Variants in NAV3 observed in about 807,000 individuals in gnomAD.
NAV3 encodes the protein pore membrane and/or filament interacting like protein 1.
A neutral mutation model predicts 244.7 loss-of-function variants in NAV3; 87 were observed. That is an observed-to-expected ratio of 0.36 (90% CI 0.30 to 0.42). The LOEUF is 0.42. Among genes scored for constraint, NAV3 ranks in the 20% least tolerant of loss-of-function variants. The probability of loss-of-function intolerance (pLI) is 1.00; values close to 1 mark genes in which losing one functional copy is unlikely to be tolerated. For synonymous variants in NAV3, 1,126 were observed against 1,042.2 expected, an observed-to-expected ratio of 1.08 and a Z score of -1.55; for missense variants, 2,663 against 2,893.3, an observed-to-expected ratio of 0.92 and a Z score of 1.83.
chr12:77,590,978 G>A (rs1277086286), intron 2 of NAV3, among the ~76,000 whole-genome samples: 1 of 152,184 alleles, frequency 6.6e-6, no homozygotes, highest in Non-Finnish European at 1.5e-5. Flanking sequence ...TACCTGCTGT[G>A]TAAGAATGGC....
intron 2 of NAV3, among the ~76,000 whole-genome samples, chr12:77,802,525 C>T (rs952459): frequency 0.34 from 51,738 of 152,040 alleles, 10,169 homozygotes; most frequent in East Asian, 0.47. Flanking sequence ...TAAATAGTTA[C>T]GAAAAACAGA....
intron 11 of NAV3, among the ~76,000 whole-genome samples, chr12:78,053,114 G>A (rs892830887): frequency 6.6e-6 from 1 of 151,786 alleles, no homozygotes; most frequent in African/African-American, 2.4e-5. Flanking sequence ...TTGGGAGGCT[G>A]AGGCAGGAGA....
In NAV3 at chr12:77,609,329, C is replaced by G. The variant is rs145254745; in HGVS notation, c.72+37063C>G. 1.6e-4 allele frequency among the ~76,000 whole-genome samples: 24 copies of G among 152,204 alleles called. No homozygotes were observed. In the East Asian group the frequency reaches 4.3e-3, roughly 27 times the overall value. On this transcript the variant is annotated intron_variant, in intron 2 of 8. Transcript: ENST00000550042. ...TAAATTCCCATTTAAGCTCCTACAA[C>G]TCCAGTAGTTCCAGAGCCTGGCTAC... is the stretch of plus-strand genomic sequence containing the variant.
At chr12:78,057,390 A>G (rs1000424348) in intron 11 of NAV3, among the ~76,000 whole-genome samples, 3 of 152,140 alleles carry the variant, frequency 2.0e-5, no homozygotes, top group African/African-American at 7.2e-5. Flanking sequence ...TCCTCCCTCA[A>G]TTCTCATTTA....
At chr12:77,903,962 C>T (rs1228411754) in intron 1 of NAV3, among the ~76,000 whole-genome samples, 9 of 152,018 alleles carry the variant, frequency 5.9e-5, no homozygotes, top group African/African-American at 1.4e-4. Flanking sequence ...CTCACACCAC[C>T]TAGAATGGCG....
rs145835038 is a variant in NAV3 at position 78,068,479 on chromosome 12, A to G, written c.2636+9364A>G. ...ATAATGGTATCTATTTCCATTGCAG[A>G]TTGTCAATAGATCTTAAAACACAGG... is the stretch of plus-strand genomic sequence containing the variant. On this transcript the variant is annotated intron_variant, in intron 12 of 39. Coordinates refer to ENST00000397909, the MANE Select transcript of NAV3 (RefSeq NM_001024383.2). Among the ~76,000 whole-genome samples, 983 of 150,750 alleles carry G rather than the reference A, an allele frequency of 6.5e-3. 10 individuals are homozygous for G. Among genetic ancestry groups the G allele is most frequent in the African/African-American group, 0.022 (916 of 41,310 alleles).
chr12:78,028,355 T>G (rs149914963), intron 9 of NAV3, among the ~76,000 whole-genome samples: 39 of 152,292 alleles, frequency 2.6e-4, no homozygotes, highest in Non-Finnish European at 4.3e-4. Context: ...GACATTAAAT[T>G]TTTAAAGATT....
intron 8 of NAV3, among the ~76,000 whole-genome samples, chr12:78,009,493 T>G (rs1874881398): frequency 7.7e-6 from 1 of 129,528 alleles, no homozygotes; most frequent in Admixed American, 8.0e-5. Flanking sequence ...GGCGATAGAA[T>G]ATGTCTTACT....
intron 39 of NAV3, among the ~76,000 whole-genome samples, chr12:78,208,271 G>T (rs1960536578): frequency 6.6e-6 from 1 of 152,066 alleles, no homozygotes; most frequent in South Asian, 2.1e-4. Flanking sequence ...TCCAGAGTGA[G>T]AACTCACTGA....
At chr12:78,201,697 C>A (rs1328313236) in intron 38 of NAV3, among the ~76,000 whole-genome samples, 1 of 151,856 alleles carries the variant, frequency 6.6e-6, no homozygotes, top group African/African-American at 2.4e-5. Flanking sequence ...ACATAATCAC[C>A]CAATTTATTG....
At chr12:77,709,923 C>T (rs1055071249) in intron 2 of NAV3, among the ~76,000 whole-genome samples, 1 of 152,150 alleles carries the variant, frequency 6.6e-6, no homozygotes, top group African/African-American at 2.4e-5. Context: ...TGAGCCAAAC[C>T]CTGCAGACCC....
intron 12 of NAV3, among the ~76,000 whole-genome samples, chr12:78,064,382 C>CATCT (rs962228308): frequency 3.4e-5 from 5 of 147,348 alleles, no homozygotes; most frequent in Non-Finnish European, 7.5e-5. Context: ...CTCCTGGAGA[C>CATCT]ATCTATCTAT....
intron 8 of NAV3, among the ~76,000 whole-genome samples, chr12:78,008,606 AT>A (rs1314787755): frequency 3.3e-5 from 5 of 152,126 alleles, no homozygotes; most frequent in African/African-American, 1.2e-4. Flanking sequence ...ATTTTATTAA[AT>A]TTTTTGAATG....
intron 37 of NAV3, 83 bp from the exon 38 acceptor site, chr12:78,200,385 ATATAT>A (rs1028057532): frequency 6.5e-6 from 5 of 764,074 alleles, no homozygotes; most frequent in Non-Finnish European, 9.7e-6. Flanking sequence ...TTTGCAAGAA[ATATAT>A]TATATTCCAA....
intron 2 of NAV3, among the ~76,000 whole-genome samples, chr12:77,721,671 A>G (rs1876638641): frequency 1.3e-5 from 2 of 152,164 alleles, no homozygotes; most frequent in Non-Finnish European, 2.9e-5. Flanking sequence ...TGAGATAACT[A>G]AGACAATAAT....
chr12:78,102,523 G>A (rs980582676), intron 12 of NAV3, among the ~76,000 whole-genome samples: 2 of 152,188 alleles, frequency 1.3e-5, no homozygotes, highest in African/African-American at 4.8e-5. Context: ...TCTGGGGTTT[G>A]GAGGATGATG....
Position 78,190,148 on chromosome 12 carries a change from A to G in NAV3, c.6220A>G (p.Ile2074Val). 1 of 1,613,088 alleles carries G rather than the reference A, an allele frequency of 6.2e-7. No individual in the cohort carries two copies. The highest frequency in any genetic ancestry group is 1.1e-5 in the South Asian group (1 of 91,060). ...GGCAAACAAACTTGCTGAATATGTAATAACCAAATCTGGAAGGAAAAAAAC... is the reference window on the plus strand; with the variant it reads ...GGCAAACAAACTTGCTGAATATGTAGTAACCAAATCTGGAAGGAAAAAAAC... ...YLANKLAEYV[I>V]TKSGRKKTED... Residue 2074 changes from isoleucine (I) to valine (V), a missense_variant, in exon 34 of 40, where the codon ATA becomes GTA. Transcript: ENST00000397909.
At chr12:77,618,320 C>T (rs1266426121) in intron 2 of NAV3, among the ~76,000 whole-genome samples, 1 of 152,112 alleles carries the variant, frequency 6.6e-6, no homozygotes, top group Non-Finnish European at 1.5e-5. Context: ...TAATTAGTTA[C>T]CCTGAGCAAT....
chr12:77,668,881 C>G (rs1231800114), intron 2 of NAV3, among the ~76,000 whole-genome samples: 1 of 152,050 alleles, frequency 6.6e-6, no homozygotes, highest in Non-Finnish European at 1.5e-5. Flanking sequence ...AGGAAAGAAT[C>G]TTAAGAGGTG....
Sources: allele counts gnomAD v4.1 joint callset (sites outside exome capture counted in the v4.1 genomes callset), GRCh38; gene constraint gnomAD v4.1.1; transcripts MANE v1.5; gene names NCBI Gene and HGNC (gene_info 2026-07-23, HGNC 2026-07-21).